FAM171A1: variants seen among roughly 807,000 people sequenced by gnomAD.
FAM171A1 encodes family with sequence similarity 171 member A1.
A neutral mutation model predicts 74.9 loss-of-function variants in FAM171A1; 23 were observed. The observed-to-expected ratio is 0.31, with a 90% CI of 0.22 to 0.44. The LOEUF (loss-of-function observed/expected upper bound fraction) is 0.44, where lower values mean the gene tolerates loss of function less well. Ranked by LOEUF, FAM171A1 falls within the 20% of genes least tolerant of loss-of-function variation. FAM171A1 has a pLI of 1.00. For missense variants in FAM171A1, 1,162 were observed against 1,159.2 expected (o/e 1.00, Z -0.03); for synonymous variants, 527 against 505.7 (o/e 1.04, Z -0.57).
intron 5 of FAM171A1, among the ~76,000 whole-genome samples, chr10:15,231,693 G>A (rs1472104647): frequency 6.6e-6 from 1 of 152,056 alleles, no homozygotes; most frequent in East Asian, 1.9e-4. Flanking sequence ...GGTTCACTAG[G>A]TGGCCAGTGC....
At chr10:15,340,513 C>A (rs556422687) in intron 1 of FAM171A1, among the ~76,000 whole-genome samples, 3 of 152,316 alleles carry the variant, frequency 2.0e-5, no homozygotes, top group South Asian at 2.1e-4. Context: ...AAAGGCCCAA[C>A]TGTCTGTATT....
At chr10:15,363,463 C>T (rs1044459064) in intron 1 of FAM171A1, among the ~76,000 whole-genome samples, 1 of 152,194 alleles carries the variant, frequency 6.6e-6, no homozygotes, top group African/African-American at 2.4e-5. Flanking sequence ...GAGAGAGAGA[C>T]AAAGATGCTA....
chr10:15,211,990 T>TAGAG lies in FAM171A1; in HGVS notation c.*921_*924dup, dbSNP rs1317483716. On this transcript the variant is annotated 3_prime_UTR_variant, in exon 8 of 8. Coordinates refer to ENST00000378116, the MANE Select transcript of FAM171A1 (RefSeq NM_001010924.2). ...CAGAACCCACGTTACACATGATAAC[T>TAGAG]AGAGAGCACACTGTGTTGAAACGAG... 1 of 152,646 alleles carries TAGAG rather than the reference T, an allele frequency of 6.6e-6. No individual in the cohort carries two copies. The highest frequency in any genetic ancestry group is 1.5e-5 in the Non-Finnish European group (1 of 68,056). The allele number at this position is 152,646 out of a possible 1,614,324, so 9.5% of individuals were successfully genotyped here. A position where few individuals can be genotyped will look rare whatever the true frequency, so the allele number is the denominator to read the frequency against.
In FAM171A1 at chr10:15,359,926, C is replaced by CTGTT. The variant is rs111447117; in HGVS notation, c.97+11026_97+11029dup. Reference sequence around the variant, plus strand: ...AATTCCAAAAAGGAACATGGCCCAGCTGTTTGTTTGTTTGTTTGTTTGTTT... The same window carrying CTGTT: ...AATTCCAAAAAGGAACATGGCCCAGCTGTTTGTTTGTTTGTTTGTTTGTTTGTTT... On this transcript the variant is annotated intron_variant, in intron 1 of 7. Transcript: ENST00000378116. Among the ~76,000 whole-genome samples, 306 of 152,002 alleles carry CTGTT rather than the reference C, an allele frequency of 2.0e-3. 1 individual carries two copies. Among genetic ancestry groups the CTGTT allele is most frequent in the African/African-American group, 5.6e-3 (232 of 41,384 alleles).
chr10:15,303,006 T>C (rs186313520), intron 1 of FAM171A1, among the ~76,000 whole-genome samples: 1,834 of 152,216 alleles, frequency 0.012, 36 homozygotes, highest in African/African-American at 0.042. Context: ...CTGGCCAATA[T>C]GGTGAAACCC....
intron 1 of FAM171A1, among the ~76,000 whole-genome samples, chr10:15,299,019 C>A (rs1835195124): frequency 6.6e-6 from 1 of 152,170 alleles, no homozygotes; most frequent in Non-Finnish European, 1.5e-5. Context: ...CTCCCAGGTT[C>A]AAGTGATGCT....
Position 15,214,243 on chromosome 10 carries a change from G to A in FAM171A1, c.1345C>T (p.Pro449Ser). 6.2e-7 allele frequency: 1 copy of A among 1,614,146 alleles called. No homozygotes were observed. Among genetic ancestry groups the A allele is most frequent in the Non-Finnish European group, 8.5e-7 (1 of 1,180,006 alleles). ...TAGTCTTTCCCCAGCGTCCCACTTG[G>A]AGTGAGGTTATCAAAGGAGATCTGG... is the stretch of plus-strand genomic sequence containing the variant. The part of the protein sequence containing the change: ...KSQISFDNLT[P>S]SGTLGKDYHK... Residue 449 changes from proline (P) to serine (S), a missense_variant, in exon 8 of 8, where the codon CCA becomes TCA. Transcript: ENST00000378116.
At chr10:15,293,657 T>C (rs913135836) in intron 1 of FAM171A1, among the ~76,000 whole-genome samples, 6 of 151,048 alleles carry the variant, frequency 4.0e-5, no homozygotes, top group East Asian at 3.9e-4. Flanking sequence ...TTCATAGAGG[T>C]GGGGGGGATC....
intron 1 of FAM171A1, among the ~76,000 whole-genome samples, chr10:15,293,331 G>A (rs1187746821): frequency 6.6e-6 from 1 of 152,016 alleles, no homozygotes; most frequent in African/African-American, 2.4e-5. Flanking sequence ...TATTTGAAAA[G>A]TATTAATCAA....
intron 1 of FAM171A1, among the ~76,000 whole-genome samples, chr10:15,368,635 T>C (rs1209650878): frequency 1.3e-5 from 2 of 152,232 alleles, no homozygotes; most frequent in African/African-American, 4.8e-5. Flanking sequence ...GTATTAGCTA[T>C]GGTTGATGCT....
At position 15,212,710 on chromosome 10, in the gene FAM171A1, C is replaced by T; in HGVS notation, c.*205G>A. On this transcript the variant is annotated 3_prime_UTR_variant, in exon 8 of 8. Transcript: ENST00000378116. Reference sequence around the variant, plus strand: ...ACTTTCAGCCACCTCCTTGCAGGGGCGACATCCGCCAAAGTCATCCTTTAT... The same window carrying T: ...ACTTTCAGCCACCTCCTTGCAGGGGTGACATCCGCCAAAGTCATCCTTTAT... 1 of 725,930 alleles carries T rather than the reference C, an allele frequency of 1.4e-6. No homozygotes were observed. The highest frequency in any genetic ancestry group is 2.2e-6 in the Non-Finnish European group (1 of 460,736). 45.0% of individuals were successfully genotyped at this position (725,930 alleles called of 1,614,324 possible).
At chr10:15,265,464 A>T (rs2131783500) in intron 3 of FAM171A1, among the ~76,000 whole-genome samples, 1 of 151,738 alleles carries the variant, frequency 6.6e-6, no homozygotes, top group East Asian at 1.9e-4. Flanking sequence ...AATACAAAAA[A>T]ATTGGCCAGA....
intron 1 of FAM171A1, among the ~76,000 whole-genome samples, chr10:15,352,908 C>T (rs1438091118): frequency 1.3e-5 from 2 of 152,328 alleles, no homozygotes; most frequent in Non-Finnish European, 1.5e-5. Context: ...AGCATATGCG[C>T]TGTGTGCACA....
chr10:15,335,288 A>G (rs1835687437), intron 1 of FAM171A1, among the ~76,000 whole-genome samples: 1 of 152,122 alleles, frequency 6.6e-6, no homozygotes, highest in Non-Finnish European at 1.5e-5. Context: ...AACCCAAAAA[A>G]ATTCACAAAA....
At chr10:15,220,479 AG>A (rs1465138449) in intron 6 of FAM171A1, among the ~76,000 whole-genome samples, 1 of 152,252 alleles carries the variant, frequency 6.6e-6, no homozygotes, top group African/African-American at 2.4e-5. Flanking sequence ...ATGGAGGGGA[AG>A]ATTCTCGTAG....
intron 5 of FAM171A1, among the ~76,000 whole-genome samples, chr10:15,222,193 C>G (rs1423067594): frequency 6.6e-6 from 1 of 152,202 alleles, no homozygotes; most frequent in Non-Finnish European, 1.5e-5. Flanking sequence ...TCATCCTCAC[C>G]TGAAATGGCT....
chr10:15,370,585 G>A (rs1360036163), intron 1 of FAM171A1, among the ~76,000 whole-genome samples: 5 of 151,960 alleles, frequency 3.3e-5, no homozygotes, highest in African/African-American at 9.7e-5. Flanking sequence ...GCCCTGGGCG[G>A]CCCCTCTGTC....
chr10:15,320,241 A>G (rs1027992541), intron 1 of FAM171A1, among the ~76,000 whole-genome samples: 1 of 152,158 alleles, frequency 6.6e-6, no homozygotes, highest in African/African-American at 2.4e-5. Flanking sequence ...CTGTTCCTGC[A>G]TTAATTCACT....
At chr10:15,256,593 G>A (rs979688854) in intron 3 of FAM171A1, among the ~76,000 whole-genome samples, 1 of 152,168 alleles carries the variant, frequency 6.6e-6, no homozygotes, top group Non-Finnish European at 1.5e-5. Context: ...CCAGACCATC[G>A]ATTCCCCTTC....
Sources: gnomAD v4.1 joint callset for allele counts (sites outside exome capture counted in the v4.1 genomes callset) on GRCh38, gnomAD v4.1.1 for gene constraint, MANE v1.5 for transcripts, NCBI Gene and HGNC (gene_info 2026-07-23, HGNC 2026-07-21) for gene names.